MICAL3: variants seen among roughly 807,000 people sequenced by gnomAD.
MICAL3 encodes the protein [F-actin]-monooxygenase MICAL3.
In MICAL3, 62 loss-of-function variants were observed where a neutral mutation model predicts 207.4. That is an observed-to-expected ratio of 0.30 (90% CI 0.24 to 0.37). The LOEUF (loss-of-function observed/expected upper bound fraction) is 0.37, where lower values mean the gene tolerates loss of function less well. MICAL3 is among the 10% of genes least tolerant of loss of function. MICAL3 has a pLI of 1.00. For synonymous variants in MICAL3, 1,077 were observed against 1,069.3 expected, an observed-to-expected ratio of 1.01 and a Z score of -0.14; for missense variants, 2,368 against 2,635.6, an observed-to-expected ratio of 0.90 and a Z score of 2.22.
intron 1 of MICAL3, among the ~76,000 whole-genome samples, chr22:17,976,706 C>G (rs1394847813): frequency 1.4e-5 from 2 of 145,258 alleles, no homozygotes; most frequent in Non-Finnish European, 3.0e-5. Context: ...TTTCTGCTTT[C>G]AAAGGATTTT....
chr22:17,944,049 C>T (rs115266423), intron 1 of MICAL3, among the ~76,000 whole-genome samples: 312 of 152,282 alleles, frequency 2.0e-3, no homozygotes, highest in African/African-American at 7.1e-3. Context: ...TCCCATCTGC[C>T]CAGTGCTCCC....
intron 19 of MICAL3, chr22:17,864,377 G>C: frequency 7.7e-7 from 1 of 1,303,480 alleles, no homozygotes; most frequent in South Asian, 1.8e-5. Flanking sequence ...CACACACAGT[G>C]ACAGGGAACA....
At chr22:18,001,534 G>A (rs1923018068) in intron 1 of MICAL3, 2 of 152,396 alleles carry the variant, frequency 1.3e-5, no homozygotes, top group East Asian at 1.9e-4. Context: ...GCACATGGAA[G>A]GGCGGGGGTT....
intron 1 of MICAL3, chr22:18,004,494 C>T (rs1389275521): frequency 1.3e-5 from 2 of 152,236 alleles, no homozygotes; most frequent in Non-Finnish European, 2.9e-5. Flanking sequence ...ATCCCAACCT[C>T]AGGTGATCCA....
At chr22:17,816,063 C>T (rs1332796291) in intron 27 of MICAL3, among the ~76,000 whole-genome samples, 2 of 152,154 alleles carry the variant, frequency 1.3e-5, no homozygotes, top group Admixed American at 6.5e-5. Flanking sequence ...CATGATACTC[C>T]GCAGAGCTCC....
At chr22:17,881,125 G>T (rs1929380632) in intron 16 of MICAL3, 2 of 1,160,096 alleles carry the variant, frequency 1.7e-6, no homozygotes, top group South Asian at 2.6e-5. Flanking sequence ...GAGGGAAAGT[G>T]ACTTGGTCTC....
chr22:17,867,675 G>A (rs1246570589), intron 17 of MICAL3, among the ~76,000 whole-genome samples: 1 of 152,206 alleles, frequency 6.6e-6, no homozygotes, highest in Non-Finnish European at 1.5e-5. Flanking sequence ...GTGGCCAAAG[G>A]CAGGCTCGCT....
At chr22:17,939,817 A>T (rs1933724282) in intron 1 of MICAL3, among the ~76,000 whole-genome samples, 1 of 152,168 alleles carries the variant, frequency 6.6e-6, no homozygotes. Context: ...ACTTCTGCCT[A>T]CCTAACGCCA....
At chr22:18,017,751 A>AAT (rs1924156777) in intron 1 of MICAL3, among the ~76,000 whole-genome samples, 1 of 109,202 alleles carries the variant, frequency 9.2e-6, no homozygotes, top group African/African-American at 3.3e-5. Flanking sequence ...ACACCCGGCT[A>AAT]ATTTTTTTTT....
intron 19 of MICAL3, among the ~76,000 whole-genome samples, chr22:17,848,258 G>A (rs983382601): frequency 7.9e-5 from 12 of 152,180 alleles, no homozygotes; most frequent in Admixed American, 2.6e-4. Context: ...ACAGAGTCCA[G>A]ATCATGGACA....
intron 1 of MICAL3, among the ~76,000 whole-genome samples, chr22:17,917,354 T>G (rs1170123504): frequency 6.6e-6 from 1 of 152,164 alleles, no homozygotes; most frequent in Non-Finnish European, 1.5e-5. Context: ...CACCGCCAGC[T>G]ACCCGGACAC....
chr22:17,965,249 G>C (rs1935095785), intron 1 of MICAL3, among the ~76,000 whole-genome samples: 2 of 151,430 alleles, frequency 1.3e-5, no homozygotes, highest in Non-Finnish European at 2.9e-5. Context: ...GCTTGCGAGA[G>C]TCCTTCTGTA....
Position 17,817,874 on chromosome 22 carries a change from C to A in MICAL3, c.4787G>T (p.Arg1596Leu), listed in dbSNP as rs373879471. The A allele has an allele frequency of 2.5e-6, 4 of 1,612,314 alleles. No individual in the cohort carries two copies. The highest frequency in any genetic ancestry group is 2.5e-6 in the Non-Finnish European group (3 of 1,179,730). The part of the protein sequence containing the change: ...SAEAKELAEE[R>L]MRAREKSVKS... ...CACGGACTTCTCCCTGGCTCGCATG[C>A]GCTCCTCGGCCAACTCCTTGGCTTC... Residue 1596 changes from arginine to leucine, a missense_variant, in exon 26 of 32, where the codon CGC becomes CTC. Transcript: ENST00000441493.
At chr22:17,836,078 C>A (rs528565210) in intron 20 of MICAL3, among the ~76,000 whole-genome samples, 9 of 152,244 alleles carry the variant, frequency 5.9e-5, no homozygotes, top group African/African-American at 2.2e-4. Context: ...CAACTCAAAG[C>A]ACCTGCTCTG....
chr22:17,869,735 G>A (rs1446367479), intron 17 of MICAL3, among the ~76,000 whole-genome samples: 2 of 152,190 alleles, frequency 1.3e-5, no homozygotes, highest in Non-Finnish European at 2.9e-5. Context: ...AATCTCAGGT[G>A]TCATCTGGTG....
intron 13 of MICAL3, among the ~76,000 whole-genome samples, 174 bp from the exon 14 acceptor site, chr22:17,887,609 C>T (rs1416287217): frequency 1.3e-5 from 2 of 152,226 alleles, no homozygotes; most frequent in African/African-American, 4.8e-5. Flanking sequence ...GAAATGCATA[C>T]TTGGGTATGG....
intron 1 of MICAL3, among the ~76,000 whole-genome samples, chr22:17,918,675 C>T (rs982768397): frequency 6.6e-6 from 1 of 152,152 alleles, no homozygotes; most frequent in African/African-American, 2.4e-5. Context: ...CCTCTGTTGC[C>T]TCCTTTCCTG....
chr22:17,864,757 A>G, intron 19 of MICAL3, 142 bp downstream of exon 19: 1 of 1,613,886 alleles, frequency 6.2e-7, no homozygotes, highest in Non-Finnish European at 8.5e-7. Context: ...CTGGCACATG[A>G]AAAAGGAGTC....
At chr22:17,974,153 G>T (rs550301514) in intron 1 of MICAL3, among the ~76,000 whole-genome samples, 60 of 152,276 alleles carry the variant, frequency 3.9e-4, no homozygotes, top group African/African-American at 1.4e-3. Context: ...TAAGGAAAGT[G>T]ACGAGGCAGT....
Sources: gnomAD v4.1 joint callset for allele counts (sites outside exome capture counted in the v4.1 genomes callset) on GRCh38, gnomAD v4.1.1 for gene constraint, MANE v1.5 for transcripts, NCBI Gene and HGNC (gene_info 2026-07-23, HGNC 2026-07-21) for gene names.